The following PGR variants were observed in gnomAD, a reference collection of about 807,000 sequenced individuals.
PGR encodes the protein nuclear receptor subfamily 3 group C member 3.
Under a neutral mutation model 76.1 loss-of-function variants are expected in PGR, and 25 were observed. The observed-to-expected ratio is 0.33, with a 90% CI of 0.24 to 0.46. PGR has a LOEUF of 0.46. Among genes scored for constraint, PGR ranks in the 20% least tolerant of loss-of-function variants. The pLI, the probability that PGR is intolerant of heterozygous loss-of-function variation, is 1.00. For missense variants in PGR, 1,172 were observed against 1,225.3 expected, an observed-to-expected ratio of 0.96 and a Z score of 0.65; for synonymous variants, 579 against 535.0, an observed-to-expected ratio of 1.08 and a Z score of -1.14.
chr11:101,095,381 C>T (rs1386589735), intron 2 of PGR, among the ~76,000 whole-genome samples: 3 of 152,106 alleles, frequency 2.0e-5, no homozygotes, highest in Non-Finnish European at 4.4e-5. Context: ...ACTTACTATC[C>T]ACAAATAAAA....
chr11:101,057,298 G>A (rs1197813091), intron 4 of PGR, among the ~76,000 whole-genome samples: 2 of 152,118 alleles, frequency 1.3e-5, no homozygotes, highest in East Asian at 3.9e-4. Context: ...GAGATGGGCT[G>A]CCAGGTAGGA....
intron 3 of PGR, among the ~76,000 whole-genome samples, chr11:101,090,775 G>T (rs959249393): frequency 2.6e-5 from 4 of 152,142 alleles, no homozygotes; most frequent in African/African-American, 9.7e-5. Flanking sequence ...CTAATTACAT[G>T]AATTACTGTA....
chr11:101,097,370 G>A (rs1374516605), intron 2 of PGR, among the ~76,000 whole-genome samples: 1 of 152,124 alleles, frequency 6.6e-6, no homozygotes, highest in African/African-American at 2.4e-5. Context: ...TTACCTGACT[G>A]CTCTCATAAA....
chr11:101,095,780 TATTATA>T (rs1242437314), intron 2 of PGR, among the ~76,000 whole-genome samples: 1 of 152,332 alleles, frequency 6.6e-6, no homozygotes, highest in South Asian at 2.1e-4. Context: ...AACAAATGTC[TATTATA>T]ATTATGATTA....
At position 101,033,183 on chromosome 11, in the gene PGR, T is replaced by C. The variant is rs1215345020; in HGVS notation, c.*5933A>G. On this transcript the variant is annotated 3_prime_UTR_variant, in exon 8 of 8. Coordinates refer to ENST00000325455, the MANE Select transcript of PGR (RefSeq NM_000926.4). ...ATACTTTACTGGCTAAAGTGAAGAATTCTAAAGTCTGCCATGTGAAAATCT... is the reference window on the plus strand; with the variant it reads ...ATACTTTACTGGCTAAAGTGAAGAACTCTAAAGTCTGCCATGTGAAAATCT... 4.8e-6 allele frequency: 1 copy of C among 209,258 alleles called. No homozygotes were observed. Among genetic ancestry groups the C allele is most frequent in the African/African-American group, 2.3e-5 (1 of 44,060 alleles). The allele number at this position is 209,258 out of a possible 1,614,324, so 13.0% of individuals were successfully genotyped here.
chr11:101,087,658 G>C (rs1861538817), intron 3 of PGR, among the ~76,000 whole-genome samples: 1 of 151,818 alleles, frequency 6.6e-6, no homozygotes, highest in Non-Finnish European at 1.5e-5. Context: ...CAACAGAATA[G>C]GAGAACATGT....
intron 4 of PGR, among the ~76,000 whole-genome samples, chr11:101,060,339 T>C (rs778757182): frequency 3.3e-5 from 5 of 152,188 alleles, no homozygotes; most frequent in Admixed American, 6.5e-5. Flanking sequence ...TTCTTTTACA[T>C]GCAAAACTGA....
Position 101,041,940 on chromosome 11 carries a change from C to T in PGR, c.2646+5G>A. ...TTGATATTCTGGAATCAACCAAATACTTACATCATGCAAGTTATCAAGAAG... is the reference window on the plus strand; with the variant it reads ...TTGATATTCTGGAATCAACCAAATATTTACATCATGCAAGTTATCAAGAAG... On this transcript the variant is annotated splice_donor_5th_base_variant and intron_variant, in intron 7 of 7. Coordinates refer to ENST00000325455, the MANE Select transcript of PGR (RefSeq NM_000926.4). 1 of 1,611,288 alleles carries T rather than the reference C, an allele frequency of 6.2e-7. No homozygotes were observed. The highest frequency in any genetic ancestry group is 8.5e-7 in the Non-Finnish European group (1 of 1,177,750).
At chr11:101,082,674 T>G (rs1031467828) in intron 3 of PGR, among the ~76,000 whole-genome samples, 1 of 152,130 alleles carries the variant, frequency 6.6e-6, no homozygotes, top group Admixed American at 6.5e-5. Context: ...GAGAGATGAT[T>G]TGGGGTATCT....
intron 2 of PGR, among the ~76,000 whole-genome samples, chr11:101,110,463 G>C (rs2135485697): frequency 6.6e-6 from 1 of 152,286 alleles, no homozygotes; most frequent in East Asian, 1.9e-4. Flanking sequence ...AATAGCAAAA[G>C]AACTGGAATT....
chr11:101,111,132 A>G (rs1862329680), intron 2 of PGR, among the ~76,000 whole-genome samples: 1 of 152,196 alleles, frequency 6.6e-6, no homozygotes, highest in African/African-American at 2.4e-5. Flanking sequence ...AGAACCTGCG[A>G]TATCTCTAAG....
chr11:101,089,657 T>TG (rs1402999987), intron 3 of PGR, among the ~76,000 whole-genome samples: 1 of 124,106 alleles, frequency 8.1e-6, no homozygotes, highest in African/African-American at 3.1e-5. Context: ...AAGAAAGGGA[T>TG]GGGGTGCAAA....
At chr11:101,090,575 A>C (rs1189692846) in intron 3 of PGR, among the ~76,000 whole-genome samples, 1 of 152,200 alleles carries the variant, frequency 6.6e-6, no homozygotes, top group Non-Finnish European at 1.5e-5. Flanking sequence ...TTGAAACAGA[A>C]ATACAAAGAG....
chr11:101,108,664 C>T (rs1862252025), intron 2 of PGR, among the ~76,000 whole-genome samples: 1 of 152,148 alleles, frequency 6.6e-6, no homozygotes, highest in African/African-American at 2.4e-5. Flanking sequence ...TGGTTACCAG[C>T]TCCATTACTA....
intron 4 of PGR, among the ~76,000 whole-genome samples, chr11:101,056,642 GAA>G (rs200810746): frequency 6.6e-5 from 8 of 120,942 alleles, no homozygotes; most frequent in African/African-American, 1.6e-4. Flanking sequence ...CCTATCTCAA[GAA>G]AAAAAAAAAA....
chr11:101,070,957 A>G (rs553583014), intron 3 of PGR, among the ~76,000 whole-genome samples: 4 of 152,322 alleles, frequency 2.6e-5, no homozygotes, highest in African/African-American at 9.6e-5. Context: ...CTCCCAGCGC[A>G]GTGCTCAAGC....
intron 3 of PGR, 125 bp from the exon 4 acceptor site, chr11:101,062,877 G>A (rs200012770): frequency 4.5e-5 from 14 of 314,146 alleles, no homozygotes; most frequent in Admixed American, 1.3e-4. Flanking sequence ...GAATGAAATA[G>A]AATAAAAGTG....
At chr11:101,104,274 G>A (rs532410417) in intron 2 of PGR, among the ~76,000 whole-genome samples, 21 of 152,174 alleles carry the variant, frequency 1.4e-4, no homozygotes, top group Middle Eastern at 3.4e-3. Flanking sequence ...TCTATTCATC[G>A]TATCTGTTGT....
In PGR at chr11:101,049,394, GT is replaced by G. The variant is rs148317877; in HGVS notation, c.2488+534del. 9.9e-5 allele frequency among the ~76,000 whole-genome samples: 15 copies of G among 152,190 alleles called. No individual in the cohort carries two copies. In the East Asian group the frequency reaches 2.7e-3, roughly 27 times the overall value. ...ACAGTAAATACATAAACCAGTAAGA[GT>G]TTTTTATTATCTTTACCAAGTACTA... On this transcript the variant is annotated intron_variant, in intron 6 of 7. Coordinates refer to ENST00000325455, the MANE Select transcript of PGR (RefSeq NM_000926.4).
Sources: allele counts gnomAD v4.1 joint callset (sites outside exome capture counted in the v4.1 genomes callset), GRCh38; gene constraint gnomAD v4.1.1; transcripts MANE v1.5; gene names NCBI Gene and HGNC (gene_info 2026-07-23, HGNC 2026-07-21).